Variants in PAM observed in about 807,000 individuals in gnomAD.
PAM encodes the protein peptidyl-glycine alpha-amidating monooxygenase.
PAM carries 72 observed loss-of-function variants against 122.1 expected under a neutral mutation model. That is an observed-to-expected ratio of 0.59 (90% CI 0.49 to 0.72). The LOEUF (loss-of-function observed/expected upper bound fraction) is 0.72, where lower values mean the gene tolerates loss of function less well. Ranked by LOEUF, PAM falls within the 30% of genes least tolerant of loss-of-function variation. PAM has a pLI of 0.00. For synonymous variants in PAM, 389 were observed against 404.4 expected, an observed-to-expected ratio of 0.96 and a Z score of 0.46; for missense variants, 1,106 against 1,183.7, an observed-to-expected ratio of 0.93 and a Z score of 0.96.
chr5:102,881,333 T>C (rs916684489), intron 3 of PAM, among the ~76,000 whole-genome samples: 1 of 152,038 alleles, frequency 6.6e-6, no homozygotes, highest in African/African-American at 2.4e-5. Flanking sequence ...AAAAATTCGT[T>C]CATGTTAATA....
chr5:102,833,308 A>G lies in PAM; in HGVS notation c.-373-32515A>G, dbSNP rs928800828. Among the ~76,000 whole-genome samples, 31 of 152,134 alleles carry G rather than the reference A, an allele frequency of 2.0e-4. 1 individual carries two copies. Among genetic ancestry groups the G allele is most frequent in the Non-Finnish European group, 1.0e-4 (7 of 67,980 alleles). ...GTGTTATTTATAAATATTTTTGCTT[A>G]TTTTTCTTGGATGATGCTATAAACA... On this transcript the variant is annotated intron_variant, in intron 1 of 25. Transcript: ENST00000438793.
chr5:102,824,292 T>C (rs1580590489), intron 1 of PAM, among the ~76,000 whole-genome samples: 1 of 152,222 alleles, frequency 6.6e-6, no homozygotes, highest in African/African-American at 2.4e-5. Flanking sequence ...TCTGCGAACA[T>C]TTCTAAATCT....
chr5:103,020,142 C>T (rs1253122497), intron 23 of PAM, among the ~76,000 whole-genome samples: 1 of 151,974 alleles, frequency 6.6e-6, no homozygotes, highest in East Asian at 1.9e-4. Flanking sequence ...AAAAGTCAGC[C>T]ACTTTGGGGA....
chr5:102,909,774 T>A (rs1462199738), intron 4 of PAM, among the ~76,000 whole-genome samples: 1 of 151,860 alleles, frequency 6.6e-6, no homozygotes, highest in South Asian at 2.1e-4. Flanking sequence ...CAAGCTAAGC[T>A]ATTTACAGTG....
At position 102,961,099 on chromosome 5, in the gene PAM, T is replaced by C. The variant is rs1270447623; in HGVS notation, c.1091-59T>C. 4.8e-6 allele frequency: 4 copies of C among 835,780 alleles called. No homozygotes were observed. The East Asian group carries it at 9.9e-5, about 21-fold the overall frequency. The allele number at this position is 835,780 out of a possible 1,614,324, so 51.8% of individuals were successfully genotyped here. On this transcript the variant is annotated intron_variant, in intron 13 of 25. Transcript: ENST00000438793. ...TGTTGATGGACTATTTCCAATAAACTATTTTAAGTATGTAATACATACTGC... is the reference window on the plus strand; with the variant it reads ...TGTTGATGGACTATTTCCAATAAACCATTTTAAGTATGTAATACATACTGC...
intron 1 of PAM, among the ~76,000 whole-genome samples, chr5:102,857,446 C>A (rs753185895): frequency 1.2e-4 from 19 of 152,146 alleles, no homozygotes; most frequent in Non-Finnish European, 2.6e-4. Context: ...GGGAAAAAAC[C>A]CATGCAGGCC....
Position 102,946,884 on chromosome 5 carries a change from C to CCCTTA in PAM, c.575_575+1insCTTAC (p.Gln193LeufsTer5). On this transcript the variant is annotated frameshift_variant and splice_region_variant, in exon 8 of 26. Transcript: ENST00000438793. LOFTEE classifies it high-confidence loss of function. ...TGTGTCCTTACACCTCACACGTCTGCCGTAAGTACTTCCATTTTTCCTAGA... is the reference window on the plus strand; with the variant it reads ...TGTGTCCTTACACCTCACACGTCTGCCCTTACGTAAGTACTTCCATTTTTCCTAGA... The CCCTTA allele has an allele frequency of 6.3e-7, 1 of 1,594,658 alleles. No homozygotes were observed. The highest frequency in any genetic ancestry group is 8.6e-7 in the Non-Finnish European group (1 of 1,163,232).
At chr5:103,025,092 T>C (rs1784577666) in intron 23 of PAM, 39 bp from the exon 24 acceptor site, 1 of 1,461,614 alleles carries the variant, frequency 6.8e-7, no homozygotes, top group Middle Eastern at 1.8e-4. Flanking sequence ...TTGAAATCTT[T>C]GAGTCAGTTG....
At chr5:102,902,983 T>A (rs1798444732) in intron 4 of PAM, among the ~76,000 whole-genome samples, 1 of 151,506 alleles carries the variant, frequency 6.6e-6, no homozygotes, top group African/African-American at 2.4e-5. Flanking sequence ...TGTGTTTACG[T>A]TCACATAATT....
chr5:103,018,960 G>A (rs549824250), intron 22 of PAM, among the ~76,000 whole-genome samples: 2 of 152,192 alleles, frequency 1.3e-5, no homozygotes, highest in African/African-American at 4.8e-5. Flanking sequence ...AGGCTCCTAT[G>A]AGAATCTAAT....
intron 1 of PAM, among the ~76,000 whole-genome samples, chr5:102,839,549 A>G (rs1580784678): frequency 6.6e-6 from 1 of 151,990 alleles, no homozygotes; most frequent in East Asian, 1.9e-4. Context: ...AAAAAAAAAA[A>G]AAAAAAAATT....
chr5:102,961,833 G>A (rs1250991065), intron 14 of PAM, among the ~76,000 whole-genome samples: 1 of 151,890 alleles, frequency 6.6e-6, no homozygotes, highest in Non-Finnish European at 1.5e-5. Flanking sequence ...GCATGTGCTG[G>A]TACTAAAAAA....
intron 14 of PAM, among the ~76,000 whole-genome samples, chr5:102,969,155 T>G (rs1199861227): frequency 6.6e-6 from 1 of 151,650 alleles, no homozygotes; most frequent in East Asian, 1.9e-4. Flanking sequence ...GGTTGATGGG[T>G]GCAGCAAACA....
rs374619620 is a variant in PAM at position 102,974,440 on chromosome 5, C to T, written c.1483+4C>T. 1.1e-5 allele frequency: 17 copies of T among 1,591,548 alleles called. No individual in the cohort carries two copies. The highest frequency in any genetic ancestry group is 6.8e-5 in the African/African-American group (5 of 74,008). The stretch of plus-strand genomic sequence containing the variant: ...TGGGAACCAGAACACACAGGAGGTG[C>T]GTGTAGGGTTTCTTTTAAGCAGTAA... On this transcript the variant is annotated splice_donor_region_variant and intron_variant, in intron 15 of 25. Transcript: ENST00000438793.
At chr5:102,780,812 TTTCTTTC>T (rs1758670057) in intron 1 of PAM, among the ~76,000 whole-genome samples, 4 of 146,842 alleles carry the variant, frequency 2.7e-5, no homozygotes, top group Non-Finnish European at 6.0e-5. Context: ...TCTTTCTTTC[TTTCTTTC>T]TTTCTTTCTT....
At chr5:102,849,282 C>T (rs958403763) in intron 1 of PAM, among the ~76,000 whole-genome samples, 122 of 152,106 alleles carry the variant, frequency 8.0e-4, no homozygotes, top group Non-Finnish European at 2.2e-4. Context: ...GGTGGCCGGA[C>T]GCGGTGCCTC....
intron 3 of PAM, among the ~76,000 whole-genome samples, chr5:102,888,826 A>G (rs1348369873): frequency 6.6e-6 from 1 of 151,900 alleles, no homozygotes; most frequent in African/African-American, 2.4e-5. Flanking sequence ...TTTATTTAAA[A>G]TACCCTTTTT....
At position 102,881,129 on chromosome 5, in the gene PAM, T is replaced by TACACACACACACACACAC. The variant is rs34434423; in HGVS notation, c.210+13746_210+13763dup. On this transcript the variant is annotated intron_variant, in intron 3 of 25. Coordinates refer to ENST00000438793, the MANE Select transcript of PAM (RefSeq NM_001177306.2). ...AAAATTAAAAAATAATTTTTATACA[T>TACACACACACACACACAC]ACACACACACACACACACACACACA... Among the ~76,000 whole-genome samples the TACACACACACACACACAC allele has an allele frequency of 1.6e-3, 231 of 145,798 alleles. No individual in the cohort carries two copies. In the East Asian group the frequency reaches 0.017, roughly 11 times the overall value.
intron 3 of PAM, 72 bp downstream of exon 3, chr5:102,867,465 T>C (rs773771387): frequency 4.4e-5 from 50 of 1,144,378 alleles, no homozygotes; most frequent in Non-Finnish European, 5.9e-5. Flanking sequence ...GGAAACTGCA[T>C]TTACAGCTGT....
Sources: allele counts gnomAD v4.1 joint callset (sites outside exome capture counted in the v4.1 genomes callset), GRCh38; gene constraint gnomAD v4.1.1; transcripts MANE v1.5; gene names NCBI Gene and HGNC (gene_info 2026-07-23, HGNC 2026-07-21).